Variants in PAIP2B observed in about 807,000 individuals in gnomAD.
The protein encoded by PAIP2B is poly(A) binding protein interacting protein 2B.
A neutral mutation model predicts 17.0 loss-of-function variants in PAIP2B; 13 were observed. That is an observed-to-expected ratio of 0.76 (90% CI 0.50 to 1.22). The LOEUF (loss-of-function observed/expected upper bound fraction) is 1.22. Ranked by LOEUF, PAIP2B falls within the 50% of genes most tolerant of loss-of-function variation. The pLI is 0.00. For missense variants in PAIP2B, 117 were observed against 144.5 expected (o/e 0.81, Z 0.98); for synonymous variants, 43 against 48.7 (o/e 0.88, Z 0.48).
chr2:71,189,004 C>CTTTTTTT (rs56008115), intron 3 of PAIP2B, among the ~76,000 whole-genome samples: 1 of 122,192 alleles, frequency 8.2e-6, no homozygotes, highest in African/African-American at 3.2e-5. Context: ...TGCTCACAGA[C>CTTTTTTT]TTTTTTTTTT....
intron 1 of PAIP2B, among the ~76,000 whole-genome samples, chr2:71,223,411 CA>C (rs1221515421): frequency 6.7e-6 from 1 of 149,150 alleles, no homozygotes; most frequent in Non-Finnish European, 1.5e-5. Context: ...AACTCCATCT[CA>C]AAAACAAACA....
intron 1 of PAIP2B, among the ~76,000 whole-genome samples, chr2:71,205,159 T>TA (rs771352129): frequency 1.1e-4 from 17 of 152,152 alleles, no homozygotes; most frequent in Non-Finnish European, 2.2e-4. Flanking sequence ...GGAATTACCA[T>TA]AAAATCTACA....
chr2:71,220,871 A>T (rs184359876), intron 1 of PAIP2B, among the ~76,000 whole-genome samples: 2 of 152,330 alleles, frequency 1.3e-5, no homozygotes, highest in African/African-American at 2.4e-5. Flanking sequence ...CATTTTTGTT[A>T]TACCTCTATT....
chr2:71,189,194 T>A (rs1427717379), intron 3 of PAIP2B, among the ~76,000 whole-genome samples: 1 of 152,012 alleles, frequency 6.6e-6, no homozygotes, highest in African/African-American at 2.4e-5. Context: ...TGTATTTTTT[T>A]AGTAGATATG....
At chr2:71,210,214 C>T (rs557346244) in intron 1 of PAIP2B, among the ~76,000 whole-genome samples, 5 of 152,112 alleles carry the variant, frequency 3.3e-5, no homozygotes, top group African/African-American at 4.8e-5. Flanking sequence ...AGTAAATAAA[C>T]CCATCAGATT....
intron 1 of PAIP2B, among the ~76,000 whole-genome samples, chr2:71,210,841 G>T (rs1675275642): frequency 6.6e-6 from 1 of 152,144 alleles, no homozygotes; most frequent in African/African-American, 2.4e-5. Flanking sequence ...TGAAAACTGG[G>T]ATACAGATAC....
chr2:71,217,819 G>C (rs1675466320), intron 1 of PAIP2B, among the ~76,000 whole-genome samples: 1 of 128,548 alleles, frequency 7.8e-6, no homozygotes. Flanking sequence ...TACAATCCCA[G>C]CACTTTGGCA....
At chr2:71,202,417 T>C in intron 2 of PAIP2B, 35 bp downstream of exon 2, 2 of 1,606,060 alleles carry the variant, frequency 1.2e-6, no homozygotes, top group Non-Finnish European at 8.5e-7. Context: ...GTTACATGTA[T>C]CATCAATCTT....
In PAIP2B at chr2:71,182,886, T is replaced by G. The variant is rs533940015; in HGVS notation, c.*5593A>C. Reference sequence around the variant, plus strand: ...CCCTGTCCCTCCCCCAAAGAAGGATTAATAACTACCAAGTAATGATTAGGG... The same window carrying G: ...CCCTGTCCCTCCCCCAAAGAAGGATGAATAACTACCAAGTAATGATTAGGG... On this transcript the variant is annotated 3_prime_UTR_variant, in exon 4 of 4. Transcript: ENST00000244221. The G allele has an allele frequency of 4.1e-4, 45 of 109,298 alleles. No individual in the cohort carries two copies. Among genetic ancestry groups the G allele is most frequent in the African/African-American group, 1.6e-3 (44 of 27,088 alleles). The allele number at this position is 109,298 out of a possible 1,614,324, so 6.8% of individuals were successfully genotyped here.
intron 2 of PAIP2B, 112 bp from the exon 3 acceptor site, chr2:71,190,133 T>C: frequency 1.8e-6 from 2 of 1,103,692 alleles, no homozygotes; most frequent in East Asian, 2.7e-5. Context: ...TTAAGAATGA[T>C]CTTGAGCTGG....
chr2:71,186,833 A>G lies in PAIP2B; in HGVS notation c.*1646T>C, dbSNP rs1674555298. Reference sequence around the variant, plus strand: ...CTAACAAGGAAGGCAATTTTTTCAAATGATATAATCCTAAAGACTCAAATA... The same window carrying G: ...CTAACAAGGAAGGCAATTTTTTCAAGTGATATAATCCTAAAGACTCAAATA... On this transcript the variant is annotated 3_prime_UTR_variant, in exon 4 of 4. Transcript: ENST00000244221. The G allele has an allele frequency of 6.6e-6, 1 of 152,216 alleles. No individual in the cohort carries two copies. Among genetic ancestry groups the G allele is most frequent in the East Asian group, 1.9e-4 (1 of 5,196 alleles). The allele number at this position is 152,216 out of a possible 1,614,324, so 9.4% of individuals were successfully genotyped here. A position where few individuals can be genotyped will look rare whatever the true frequency, so the allele number is the denominator to read the frequency against.
intron 2 of PAIP2B, among the ~76,000 whole-genome samples, chr2:71,190,964 C>A (rs2103753818): frequency 6.6e-6 from 1 of 152,328 alleles, no homozygotes; most frequent in South Asian, 2.1e-4. Context: ...AATATTCAAA[C>A]AATTCTGCAT....
intron 2 of PAIP2B, among the ~76,000 whole-genome samples, chr2:71,200,144 A>G (rs1674941998): frequency 6.6e-6 from 1 of 152,222 alleles, no homozygotes; most frequent in Admixed American, 6.5e-5. Context: ...ATTTTATTAG[A>G]AAGTCAGAAG....
rs573226790 is a variant in PAIP2B, at chr2:71,196,089, T to G, written c.139-6068A>C. ...GTTGATTTGCTCTTGCTTGTCTAAT[T>G]CTTTCAGTTGTGATGTTAGGTTGTT... On this transcript the variant is annotated intron_variant, in intron 2 of 3. Transcript: ENST00000244221. Among the ~76,000 whole-genome samples, 15 of 152,340 alleles carry G rather than the reference T, an allele frequency of 9.8e-5. 1 individual carries two copies. Among genetic ancestry groups the G allele is most frequent in the Middle Eastern group, 3.4e-3 (1 of 294 alleles).
intron 3 of PAIP2B, among the ~76,000 whole-genome samples, chr2:71,189,161 C>T (rs1374067725): frequency 6.6e-5 from 10 of 152,206 alleles, no homozygotes; most frequent in African/African-American, 2.4e-4. Context: ...TACAGGCGCG[C>T]ACCACCATGC....
At position 71,188,517 on chromosome 2, in the gene PAIP2B, G is replaced by A; in HGVS notation, c.334C>T (p.Pro112Ser). ...EDILSKSNLN[P>S]DAKEFIPGEK... ...CCTGGAATAAACTCCTTGGCATCTG[G>A]GTTCAGGTTACTTTTGCTCTGAAAT... Residue 112 changes from proline to serine, a missense_variant, in exon 4 of 4, where the codon CCA becomes TCA. Pro to Ser is a moderately conservative substitution (Grantham distance 74). Transcript: ENST00000244221. 9.3e-6 allele frequency: 15 copies of A among 1,609,748 alleles called. No individual in the cohort carries two copies. The highest frequency in any genetic ancestry group is 1.3e-5 in the Non-Finnish European group (15 of 1,178,050).
At chr2:71,211,129 C>T (rs1166901138) in intron 1 of PAIP2B, among the ~76,000 whole-genome samples, 5 of 152,024 alleles carry the variant, frequency 3.3e-5, no homozygotes, top group Non-Finnish European at 7.4e-5. Flanking sequence ...CGCCTGTAAT[C>T]CCAGCTATTC....
rs72907623 is a variant in PAIP2B, at chr2:71,191,767, C to T, written c.139-1746G>A. 0.056 allele frequency among the ~76,000 whole-genome samples: 8,491 copies of T among 152,294 alleles called. 982 individuals carry two copies. The East Asian group carries it at 0.56, about 10-fold the overall frequency. On this transcript the variant is annotated intron_variant, in intron 2 of 3. Transcript: ENST00000244221. Reference sequence around the variant, plus strand: ...GGACTTCCCAGTTTTCCCTCAGCCACGCAGCTGATATATGCCCTGGGGGTG... The same window carrying T: ...GGACTTCCCAGTTTTCCCTCAGCCATGCAGCTGATATATGCCCTGGGGGTG...
At chr2:71,213,921 CTT>C (rs1473849380) in intron 1 of PAIP2B, among the ~76,000 whole-genome samples, 1 of 152,142 alleles carries the variant, frequency 6.6e-6, no homozygotes, top group Admixed American at 6.5e-5. Flanking sequence ...AACAGTCTCT[CTT>C]TTAATCTTCA....
Sources: allele counts gnomAD v4.1 joint callset (sites outside exome capture counted in the v4.1 genomes callset), GRCh38; gene constraint gnomAD v4.1.1; transcripts MANE v1.5; gene names NCBI Gene and HGNC (gene_info 2026-07-23, HGNC 2026-07-21).